The following DCC variants were observed in gnomAD, a reference collection of about 807,000 sequenced individuals.
DCC encodes the protein DCC netrin 1 receptor, also known as netrin receptor DCC.
Under a neutral mutation model 172.5 loss-of-function variants are expected in DCC, and 58 were observed. The observed-to-expected ratio is 0.34, with a 90% CI of 0.27 to 0.42. The LOEUF (loss-of-function observed/expected upper bound fraction) is 0.42. Ranked by LOEUF, DCC falls within the 10% of genes least tolerant of loss-of-function variation. DCC has a pLI of 1.00. For synonymous variants in DCC, 709 were observed against 644.5 expected (o/e 1.10, Z -1.52); for missense variants, 1,740 against 1,791.0 (o/e 0.97, Z 0.51).
At chr18:52,407,609 G>A (rs2144394050) in intron 1 of DCC, among the ~76,000 whole-genome samples, 1 of 151,844 alleles carries the variant, frequency 6.6e-6, no homozygotes, top group Middle Eastern at 3.4e-3. Flanking sequence ...CCAACTCTTT[G>A]GGATAGAAAC....
intron 15 of DCC, among the ~76,000 whole-genome samples, chr18:53,371,535 T>C (rs951696697): frequency 6.6e-6 from 1 of 151,934 alleles, no homozygotes. Context: ...TACCCTAGGA[T>C]GATGGTTCTT....
rs2034026593 is a variant in DCC, at chr18:52,601,951, C to T, written c.92-150103C>T. ...ATAAATTGATGACTTTATCACTTCT[C>T]TCATGCACTAAGCTCTTGCTCTTCT... On this transcript the variant is annotated intron_variant, in intron 1 of 28. Transcript: ENST00000442544. Among the ~76,000 whole-genome samples the T allele has an allele frequency of 2.0e-5, 3 of 152,014 alleles. No individual in the cohort carries two copies. The South Asian group carries it at 6.2e-4, about 31-fold the overall frequency.
rs576308356 is a variant in DCC at position 53,191,539 on chromosome 18, T to C, written c.1573+12423T>C. Among the ~76,000 whole-genome samples the C allele has an allele frequency of 1.1e-3, 163 of 152,328 alleles. 1 individual carries two copies. The highest frequency in any genetic ancestry group is 3.8e-3 in the African/African-American group (156 of 41,586). ...CCTACTAGAAAATTTAAATTACATG[T>C]ATTTGTAGCTTATATTCATATTGGA... On this transcript the variant is annotated intron_variant, in intron 9 of 28. Transcript: ENST00000442544.
chr18:52,925,176 T>G, intron 4 of DCC, 58 bp from the exon 5 acceptor site: 11 of 1,531,010 alleles, frequency 7.2e-6, no homozygotes, highest in Non-Finnish European at 9.9e-6. Context: ...AAGCTCTGAG[T>G]ATCTTGCTTA....
chr18:52,788,292 T>C (rs1465519253), intron 2 of DCC, among the ~76,000 whole-genome samples: 1 of 152,200 alleles, frequency 6.6e-6, no homozygotes, highest in African/African-American at 2.4e-5. Context: ...CATGTTGCAC[T>C]GTTAACTCTT....
At chr18:53,343,161 C>A (rs2057682283) in intron 15 of DCC, among the ~76,000 whole-genome samples, 1 of 151,640 alleles carries the variant, frequency 6.6e-6, no homozygotes, top group African/African-American at 2.4e-5. Flanking sequence ...CCTTTTATTT[C>A]TTTCTGTTGC....
At position 52,771,884 on chromosome 18, in the gene DCC, AAAG is replaced by A. The variant is rs1403770704; in HGVS notation, c.412+19513_412+19515del. Among the ~76,000 whole-genome samples the A allele has an allele frequency of 2.2e-3, 335 of 150,646 alleles. 1 individual carries two copies. The highest frequency in any genetic ancestry group is 6.8e-3 in the Middle Eastern group (2 of 292). On this transcript the variant is annotated intron_variant, in intron 2 of 28. Coordinates refer to ENST00000442544, the MANE Select transcript of DCC (RefSeq NM_005215.4). ...GTAGAAACTTGTGAAAAAAAAAAAA[AAAG>A]AAAAAGAAAGAACAAGGCCCAGGTG...
At chr18:52,734,742 T>C (rs947941470) in intron 1 of DCC, among the ~76,000 whole-genome samples, 2 of 152,182 alleles carry the variant, frequency 1.3e-5, no homozygotes, top group African/African-American at 4.8e-5. Flanking sequence ...TGGAAAGATA[T>C]TCTCCTTCTC....
In DCC at chr18:52,708,217, G is replaced by A. The variant is rs1239622150; in HGVS notation, c.92-43837G>A. ...AGCACTTTGGGAGGCCGAGATGGAT[G>A]GATCACGAGGTCAGGAGATTGAGAC... On this transcript the variant is annotated intron_variant, in intron 1 of 28. Transcript: ENST00000442544. Among the ~76,000 whole-genome samples, 8 of 152,222 alleles carry A rather than the reference G, an allele frequency of 5.3e-5. No homozygotes were observed. The East Asian group carries it at 1.4e-3, about 26-fold the overall frequency.
At position 53,499,296 on chromosome 18, in the gene DCC, A is replaced by G; in HGVS notation, c.3899-2A>G. On this transcript the variant is annotated splice_acceptor_variant, in intron 26 of 28. Transcript: ENST00000442544. LOFTEE classifies it high-confidence loss of function. ...GAATGACTTTTCTTGTCTCCACTGCAGCAGTGAGTGAAGGACCAACTACCC... is the reference window on the plus strand; with the variant it reads ...GAATGACTTTTCTTGTCTCCACTGCGGCAGTGAGTGAAGGACCAACTACCC... 1 of 1,614,038 alleles carries G rather than the reference A, an allele frequency of 6.2e-7. No individual in the cohort carries two copies. Among genetic ancestry groups the G allele is most frequent in the Non-Finnish European group, 8.5e-7 (1 of 1,179,974 alleles).
chr18:52,751,211 A>G (rs1241144304), intron 1 of DCC, among the ~76,000 whole-genome samples: 1 of 152,218 alleles, frequency 6.6e-6, no homozygotes, highest in African/African-American at 2.4e-5. Context: ...TGGTGGAGCC[A>G]ATGACCTCCT....
At chr18:53,217,373 T>C (rs1055665344) in intron 12 of DCC, among the ~76,000 whole-genome samples, 2 of 151,358 alleles carry the variant, frequency 1.3e-5, no homozygotes, top group Admixed American at 6.6e-5. Context: ...TTTGCTTGCT[T>C]GCAGCAAGCA....
At chr18:53,363,644 C>T (rs1177797120) in intron 15 of DCC, among the ~76,000 whole-genome samples, 1 of 152,094 alleles carries the variant, frequency 6.6e-6, no homozygotes, top group African/African-American at 2.4e-5. Flanking sequence ...TTGTCCACTG[C>T]CATTTCTATA....
At chr18:52,825,447 T>A (rs2038493308) in intron 2 of DCC, among the ~76,000 whole-genome samples, 1 of 152,202 alleles carries the variant, frequency 6.6e-6, no homozygotes, top group Non-Finnish European at 1.5e-5. Flanking sequence ...ACCTAACATG[T>A]GGAAATTGAG....
At chr18:53,427,703 T>G (rs1369102922) in intron 21 of DCC, among the ~76,000 whole-genome samples, 2 of 149,652 alleles carry the variant, frequency 1.3e-5, no homozygotes, top group African/African-American at 4.9e-5. Flanking sequence ...TCCCTAATAT[T>G]TGCCTTTTCA....
At position 52,718,453 on chromosome 18, in the gene DCC, T is replaced by TTGCCTTATTTCTTTGAAGC. The variant is rs546053696; in HGVS notation, c.92-33580_92-33562dup. Among the ~76,000 whole-genome samples, 15 of 152,336 alleles carry TTGCCTTATTTCTTTGAAGC rather than the reference T, an allele frequency of 9.8e-5. No homozygotes were observed. In the South Asian group the frequency reaches 1.2e-3, roughly 13 times the overall value. On this transcript the variant is annotated intron_variant, in intron 1 of 28. Transcript: ENST00000442544. ...ACCACAGCATTGCCACCCTTTGAAG[T>TTGCCTTATTTCTTTGAAGC]TGCCTTATTTCTTTGAAGCTGCCTT... is the stretch of plus-strand genomic sequence containing the variant.
chr18:52,868,809 G>GGT (rs983477568), intron 2 of DCC, among the ~76,000 whole-genome samples: 30 of 152,292 alleles, frequency 2.0e-4, no homozygotes, highest in African/African-American at 7.0e-4. Context: ...AGCACCAAGG[G>GGT]GTGTGGGAGT....
At chr18:53,199,140 A>G (rs760731898) in intron 9 of DCC, among the ~76,000 whole-genome samples, 5 of 150,894 alleles carry the variant, frequency 3.3e-5, no homozygotes, top group Non-Finnish European at 7.4e-5. Context: ...CAGCGGCACA[A>G]TCTTGCCTCA....
intron 15 of DCC, among the ~76,000 whole-genome samples, chr18:53,343,265 T>C (rs1051696113): frequency 1.1e-4 from 16 of 151,978 alleles, no homozygotes; most frequent in Non-Finnish European, 2.1e-4. Flanking sequence ...GAGAAAAAAA[T>C]TTAGTCTTTA....
Sources: allele counts gnomAD v4.1 joint callset (sites outside exome capture counted in the v4.1 genomes callset), GRCh38; gene constraint gnomAD v4.1.1; transcripts MANE v1.5; gene names NCBI Gene and HGNC (gene_info 2026-07-23, HGNC 2026-07-21).